C8A: variants seen among roughly 807,000 people sequenced by gnomAD.
C8A encodes complement C8 alpha chain.
C8A carries 67 observed loss-of-function variants against 65.3 expected under a neutral mutation model. That is an observed-to-expected ratio of 1.03 (90% CI 0.84 to 1.26). C8A has a LOEUF of 1.26. Ranked by LOEUF, C8A falls within the 50% of genes most tolerant of loss-of-function variation. The probability of loss-of-function intolerance (pLI) is 0.00; values close to 1 mark genes in which losing one functional copy is unlikely to be tolerated. For missense variants in C8A, 781 were observed against 723.9 expected, an observed-to-expected ratio of 1.08 and a Z score of -0.90; for synonymous variants, 290 against 259.4, an observed-to-expected ratio of 1.12 and a Z score of -1.13.
chr1:56,863,160 C>T (rs1317056095), intron 1 of C8A, among the ~76,000 whole-genome samples: 1 of 152,104 alleles, frequency 6.6e-6, no homozygotes, highest in Admixed American at 6.5e-5. Context: ...ATATTAATGA[C>T]AGTAAAATTT....
chr1:56,882,897 G>A (rs766986064), intron 5 of C8A, among the ~76,000 whole-genome samples: 4 of 152,132 alleles, frequency 2.6e-5, no homozygotes, highest in Non-Finnish European at 5.9e-5. Context: ...TCAAGGTAAT[G>A]GAGGCTCCAT....
intron 7 of C8A, among the ~76,000 whole-genome samples, chr1:56,897,906 C>T (rs962525538): frequency 1.3e-5 from 2 of 152,140 alleles, no homozygotes; most frequent in Admixed American, 6.6e-5. Context: ...AATGTGCAGT[C>T]AGTTGGGTGC....
chr1:56,896,678 C>T (rs188169908), intron 7 of C8A, among the ~76,000 whole-genome samples: 16 of 152,284 alleles, frequency 1.1e-4, no homozygotes, highest in African/African-American at 2.9e-4. Flanking sequence ...AGGCATTCCA[C>T]GGCCCAGTCA....
At position 56,897,519 on chromosome 1, in the gene C8A, G is replaced by T. The variant is rs1324791451; in HGVS notation, c.1097-9148G>T. On this transcript the variant is annotated intron_variant, in intron 7 of 10. Coordinates refer to ENST00000361249, the MANE Select transcript of C8A (RefSeq NM_000562.3). ...TTAGTGATGTCTGCCAGAGGCTGGG[G>T]ACTGAGGGCAACAGGGCTCTTGGGC... Among the ~76,000 whole-genome samples, 4 of 152,338 alleles carry T rather than the reference G, an allele frequency of 2.6e-5. No individual in the cohort carries two copies. The East Asian group carries it at 7.7e-4, about 29-fold the overall frequency.
rs146832186 is a variant in C8A, at chr1:56,881,161, A to G, written c.465-284A>G. On this transcript the variant is annotated intron_variant, in intron 4 of 10. Transcript: ENST00000361249. ...TCTTGGAGGAACCCCAGGGCTCCAC[A>G]GAACATAGATTGAGAAACTGTTACT... 9.0e-3 allele frequency among the ~76,000 whole-genome samples: 1,370 copies of G among 152,334 alleles called. 54 individuals carry two copies. The South Asian group carries it at 0.12, about 14-fold the overall frequency.
intron 1 of C8A, among the ~76,000 whole-genome samples, chr1:56,865,436 G>A (rs1281062416): frequency 1.3e-5 from 2 of 152,198 alleles, no homozygotes; most frequent in African/African-American, 4.8e-5. Flanking sequence ...GGAGGTCCCT[G>A]TGATCTCTTT....
chr1:56,859,312 T>C (rs1355859852), intron 1 of C8A, among the ~76,000 whole-genome samples: 1 of 152,260 alleles, frequency 6.6e-6, no homozygotes, highest in East Asian at 1.9e-4. Context: ...GGTACTGTGC[T>C]AAGCACTAGG....
intron 10 of C8A, among the ~76,000 whole-genome samples, chr1:56,915,615 G>A (rs370674257): frequency 3.3e-5 from 5 of 152,158 alleles, no homozygotes; most frequent in African/African-American, 4.8e-5. Flanking sequence ...AGTAACAGCC[G>A]TTAGAGCTGC....
chr1:56,893,678 A>T (rs545752204), intron 7 of C8A, among the ~76,000 whole-genome samples: 2 of 152,294 alleles, frequency 1.3e-5, no homozygotes, highest in African/African-American at 4.8e-5. Flanking sequence ...TAATTTAATC[A>T]TCTTAAGTTT....
At chr1:56,908,263 C>A (rs527603587) in intron 9 of C8A, 150 bp downstream of exon 9, 1 of 943,066 alleles carries the variant, frequency 1.1e-6, no homozygotes, top group Non-Finnish European at 1.7e-6. Flanking sequence ...TTGTGCCTGA[C>A]TCCAGGGAGT....
intron 6 of C8A, among the ~76,000 whole-genome samples, chr1:56,885,322 T>A (rs1269071736): frequency 2.6e-5 from 3 of 116,464 alleles, no homozygotes; most frequent in African/African-American, 4.2e-5. Context: ...ATAAATATAT[T>A]TATTTAAATA....
At chr1:56,917,086 C>T (rs1222862867) in intron 10 of C8A, among the ~76,000 whole-genome samples, 1 of 152,226 alleles carries the variant, frequency 6.6e-6, no homozygotes, top group East Asian at 1.9e-4. Flanking sequence ...TGCCTCCCTC[C>T]GCTATCCATC....
intron 7 of C8A, among the ~76,000 whole-genome samples, chr1:56,889,116 C>T (rs1042074003): frequency 5.3e-5 from 8 of 151,992 alleles, no homozygotes; most frequent in African/African-American, 1.9e-4. Flanking sequence ...CAAATTGTCC[C>T]AGGGATAATT....
intron 1 of C8A, among the ~76,000 whole-genome samples, chr1:56,860,074 T>A (rs663352): frequency 0.33 from 49,509 of 151,486 alleles, 8,626 homozygotes; most frequent in South Asian, 0.51. Flanking sequence ...AAAGAAAAAA[T>A]TTTTTTTTAC....
intron 10 of C8A, among the ~76,000 whole-genome samples, chr1:56,916,955 G>A (rs546827491): frequency 6.6e-6 from 1 of 152,270 alleles, no homozygotes; most frequent in East Asian, 1.9e-4. Flanking sequence ...CAAAAGCTTA[G>A]CAATCCTCTC....
chr1:56,907,449 C>A (rs915914052), intron 8 of C8A, among the ~76,000 whole-genome samples: 1 of 152,190 alleles, frequency 6.6e-6, no homozygotes, highest in Non-Finnish European at 1.5e-5. Context: ...TCTATCCTCT[C>A]TTCATTTACC....
chr1:56,899,742 G>A (rs1380679936), intron 7 of C8A, among the ~76,000 whole-genome samples: 1 of 152,184 alleles, frequency 6.6e-6, no homozygotes, highest in African/African-American at 2.4e-5. Flanking sequence ...TCTGGCAACA[G>A]CAGTAATAGC....
At chr1:56,913,537 A>T (rs1253134557) in intron 10 of C8A, among the ~76,000 whole-genome samples, 1 of 152,262 alleles carries the variant, frequency 6.6e-6, no homozygotes, top group African/African-American at 2.4e-5. Flanking sequence ...TTACTAAGTC[A>T]CTGTGAGACA....
chr1:56,892,345 T>A (rs1644353157), intron 7 of C8A, among the ~76,000 whole-genome samples: 1 of 152,122 alleles, frequency 6.6e-6, no homozygotes, highest in African/African-American at 2.4e-5. Flanking sequence ...TCACCTAAGA[T>A]TGACAATGAT....
Sources: allele counts gnomAD v4.1 joint callset (sites outside exome capture counted in the v4.1 genomes callset), GRCh38; gene constraint gnomAD v4.1.1; transcripts MANE v1.5; gene names NCBI Gene and HGNC (gene_info 2026-07-23, HGNC 2026-07-21).